The following MAGEB10 variants were observed in gnomAD, a reference collection of about 807,000 sequenced individuals.
MAGEB10 encodes melanoma-associated antigen B10.
For synonymous variants in MAGEB10, 99 were observed against 101.0 expected (o/e 0.98, Z 0.12); for missense variants, 190 against 261.9 (o/e 0.73, Z 1.89).
At chrX:27,812,552 G>T (rs1923712337) in intron 1 of MAGEB10, 2 of 164,146 alleles carry the variant, frequency 1.2e-5, no homozygotes, top group Non-Finnish European at 2.4e-5. Context: ...AGGAAGTCTG[G>T]AAGGTGCTAA....
At position 27,818,926 on chromosome X, in the gene MAGEB10, G is replaced by A. The variant is rs73628844; in HGVS notation, c.-50+1224G>A. Among the ~76,000 whole-genome samples the A allele has an allele frequency of 7.4e-3, 828 of 111,468 alleles. 5 individuals are homozygous for A. The highest frequency in any genetic ancestry group is 0.026 in the African/African-American group (786 of 30,602). On this transcript the variant is annotated intron_variant, in intron 2 of 2. Coordinates refer to ENST00000356790, the MANE Select transcript of MAGEB10 (RefSeq NM_182506.3). ...CATCATTTCTCACTGTGAGGTAGGG[G>A]CATTGGACCGGGTGTCATTCTCAGA...
At chrX:27,821,145 T>G in intron 2 of MAGEB10, 113 bp from the exon 3 acceptor site, 1 of 454,853 alleles carries the variant, frequency 2.2e-6, no homozygotes, top group Non-Finnish European at 3.7e-6. Flanking sequence ...AATAGGGGCC[T>G]TGTTTTTCCT....
chrX:27,815,117 C>A (rs192716403), intron 1 of MAGEB10, among the ~76,000 whole-genome samples: 1 of 111,977 alleles, frequency 8.9e-6, no homozygotes, highest in East Asian at 2.8e-4. Context: ...TTACACTGTT[C>A]TTTCCTTGAG....
rs1040666052 is a variant in MAGEB10 at position 27,822,430 on chromosome X, CA to C, written c.*82del. 2.2e-6 allele frequency: 2 copies of C among 903,648 alleles called. No homozygotes were observed. Among genetic ancestry groups the C allele is most frequent in the African/African-American group, 4.0e-5 (2 of 49,797 alleles). 74.5% of individuals were successfully genotyped at this position (903,648 alleles called of 1,213,427 possible). A position where few individuals can be genotyped will look rare whatever the true frequency, so the allele number is the denominator to read the frequency against. On this transcript the variant is annotated 3_prime_UTR_variant, in exon 3 of 3. Transcript: ENST00000356790. ...TGGGAGGTCAGGGTGGGACTGGAGACAACACAGTGAATAATATGTTTGTGTT... is the reference window on the plus strand; with the variant it reads ...TGGGAGGTCAGGGTGGGACTGGAGACACACAGTGAATAATATGTTTGTGTT...
intron 2 of MAGEB10, among the ~76,000 whole-genome samples, chrX:27,820,259 C>A (rs1011148535): frequency 3.6e-5 from 4 of 111,879 alleles, no homozygotes; most frequent in African/African-American, 1.3e-4. Context: ...ACTGCTTTCT[C>A]AAAGAAGTGA....
rs1273841243 is a variant in MAGEB10 at position 27,821,587 on chromosome X, C to G, written c.281C>G (p.Pro94Arg). 1 of 1,210,039 alleles carries G rather than the reference C, an allele frequency of 8.3e-7. No homozygotes were observed. Among genetic ancestry groups the G allele is most frequent in the Non-Finnish European group, 1.1e-6 (1 of 894,685 alleles). Residue 94 changes from proline to arginine, a missense_variant, in exon 3 of 3, where the codon CCA (proline) becomes CGA (arginine). Physicochemically the swap from Pro to Arg is moderately radical, Grantham distance 103. Coordinates refer to ENST00000356790, the MANE Select transcript of MAGEB10 (RefSeq NM_182506.3). ...EGVNDQMEER[P>R]ICTQDLEATD... ...GTCAACGACCAAATGGAAGAAAGGC[C>G]AATATGCACACAAGATCTAGAAGCC...
chrX:27,822,418 T>C lies in MAGEB10; in HGVS notation c.*68T>C. Reference sequence around the variant, plus strand: ...CATTCTGAGCTGTGGGAGGTCAGGGTGGGACTGGAGACAACACAGTGAATA... The same window carrying C: ...CATTCTGAGCTGTGGGAGGTCAGGGCGGGACTGGAGACAACACAGTGAATA... On this transcript the variant is annotated 3_prime_UTR_variant, in exon 3 of 3. Coordinates refer to ENST00000356790, the MANE Select transcript of MAGEB10 (RefSeq NM_182506.3). The C allele has an allele frequency of 9.9e-7, 1 of 1,011,251 alleles. No homozygotes were observed. The highest frequency in any genetic ancestry group is 1.3e-6 in the Non-Finnish European group (1 of 745,840). 83.3% of individuals were successfully genotyped at this position (1,011,251 alleles called of 1,213,427 possible).
intron 1 of MAGEB10, among the ~76,000 whole-genome samples, chrX:27,809,900 ACT>A (rs1173152013): frequency 9.2e-6 from 1 of 108,540 alleles, no homozygotes; most frequent in Non-Finnish European, 1.9e-5. Context: ...ACCAATGGAC[ACT>A]CTGTATCCAG....
At chrX:27,815,948 C>A (rs1291186622) in intron 1 of MAGEB10, among the ~76,000 whole-genome samples, 1 of 111,131 alleles carries the variant, frequency 9.0e-6, no homozygotes, top group Non-Finnish European at 1.9e-5. Context: ...GAACCCAGTT[C>A]TTTGTGGTTG....
chrX:27,808,836 C>T (rs73196168), intron 1 of MAGEB10, among the ~76,000 whole-genome samples: 41,297 of 111,020 alleles, frequency 0.37, 6,612 homozygotes, highest in Middle Eastern at 0.5. Flanking sequence ...AGCCCAGCCT[C>T]TGCTCTCAAG....
chrX:27,818,646 G>T (rs1395536228), intron 2 of MAGEB10, among the ~76,000 whole-genome samples: 1 of 111,728 alleles, frequency 9.0e-6, no homozygotes, highest in Non-Finnish European at 1.9e-5. Flanking sequence ...GTGTCTGGTG[G>T]CCTTTGTTGC....
chrX:27,818,902 A>G (rs1923830798), intron 2 of MAGEB10, among the ~76,000 whole-genome samples: 1 of 111,725 alleles, frequency 9.0e-6, no homozygotes, highest in African/African-American at 3.3e-5. Flanking sequence ...TAAAATTTAC[A>G]TCATTTCTCA....
At chrX:27,820,796 A>G (rs1923870712) in intron 2 of MAGEB10, among the ~76,000 whole-genome samples, 1 of 111,342 alleles carries the variant, frequency 9.0e-6, no homozygotes, top group Non-Finnish European at 1.9e-5. Context: ...AAGGTCCCTC[A>G]GAGCTTTTCT....
Position 27,822,316 on chromosome X carries a change from A to C in MAGEB10, c.1010A>C (p.Lys337Thr), listed in dbSNP as rs1923904666. 4 of 1,210,174 alleles carry C rather than the reference A, an allele frequency of 3.3e-6. No individual in the cohort carries two copies. The highest frequency in any genetic ancestry group is 4.5e-6 in the Non-Finnish European group (4 of 894,863). ...AGTGCCACAGCCGGTGCACGTTCCA[A>C]GGTTAAGTCCAGCAAGTCCTCCCAA... ...RVSATAGARS[K>T]VKSSKSSQLQ The change falls in exon 3 of 3, where the codon AAG (lysine) becomes ACG (threonine). Residue 337 changes from lysine to threonine, a missense_variant. Lys to Thr is a moderately conservative substitution (Grantham distance 78, BLOSUM62 -1). Transcript: ENST00000356790.
At chrX:27,814,930 G>T (rs1923754024) in intron 1 of MAGEB10, among the ~76,000 whole-genome samples, 1 of 112,137 alleles carries the variant, frequency 8.9e-6, no homozygotes, top group Admixed American at 9.4e-5. Context: ...GGAACCTGGG[G>T]CCAGTGTACT....
intron 2 of MAGEB10, among the ~76,000 whole-genome samples, chrX:27,820,799 G>C (rs57117012): frequency 1.0e-3 from 112 of 111,309 alleles, no homozygotes; most frequent in African/African-American, 3.7e-3. Context: ...GTCCCTCAGA[G>C]CTTTTCTATT....
At chrX:27,817,991 G>A (rs777262688) in intron 2 of MAGEB10, among the ~76,000 whole-genome samples, 2 of 110,746 alleles carry the variant, frequency 1.8e-5, no homozygotes, top group Non-Finnish European at 3.8e-5. Flanking sequence ...AGAGTTCAGC[G>A]TGGGGTAGCA....
Position 27,821,387 on chromosome X carries a change from T to C in MAGEB10, c.81T>C (p.Asp27=), listed in dbSNP as rs775685742. The C allele has an allele frequency of 8.3e-7, 1 of 1,211,700 alleles. No individual in the cohort carries two copies. The highest frequency in any genetic ancestry group is 1.1e-6 in the Non-Finnish European group (1 of 895,450). ...QARGGLEDLI[D]ALDILEEEEE... is the part of the protein sequence containing the mutation. ...GAGGAGGGCTGGAAGATTTGATAGATGCTCTGGACATTTTAGAAGAGGAGG... is the reference window on the plus strand; with the variant it reads ...GAGGAGGGCTGGAAGATTTGATAGACGCTCTGGACATTTTAGAAGAGGAGG... The change falls in exon 3 of 3, where the codon GAT becomes GAC. Residue 27 remains aspartate, a synonymous_variant. Coordinates refer to ENST00000356790, the MANE Select transcript of MAGEB10 (RefSeq NM_182506.3).
chrX:27,811,695 G>A (rs1442655798), intron 1 of MAGEB10, among the ~76,000 whole-genome samples: 1 of 112,186 alleles, frequency 8.9e-6, no homozygotes, highest in Non-Finnish European at 1.9e-5. Flanking sequence ...ATTCCTCAGG[G>A]GAAAGGCCCT....
Sources: allele counts gnomAD v4.1 joint callset (sites outside exome capture counted in the v4.1 genomes callset), GRCh38; gene constraint gnomAD v4.1.1; transcripts MANE v1.5; gene names NCBI Gene and HGNC (gene_info 2026-07-23, HGNC 2026-07-21).